KIAA1217: variants seen among roughly 807,000 people sequenced by gnomAD.
The protein encoded by KIAA1217 is KIAA1217.
A neutral mutation model predicts 163.9 loss-of-function variants in KIAA1217; 88 were observed. The observed-to-expected ratio is 0.54, with a 90% CI of 0.45 to 0.64. KIAA1217 has a LOEUF of 0.64. Among genes scored for constraint, KIAA1217 ranks in the 30% least tolerant of loss-of-function variants. The pLI, the probability that KIAA1217 is intolerant of heterozygous loss-of-function variation, is 0.00. For synonymous variants in KIAA1217, 903 were observed against 923.1 expected (o/e 0.98, Z 0.39); for missense variants, 2,372 against 2,475.0 (o/e 0.96, Z 0.88).
chr10:24,248,275 A>G (rs756423390), intron 2 of KIAA1217, among the ~76,000 whole-genome samples: 4 of 152,216 alleles, frequency 2.6e-5, no homozygotes, highest in Non-Finnish European at 5.9e-5. Context: ...TGCTTTGAAT[A>G]TGTTTAAGTT....
At chr10:23,767,036 A>G (rs1341065432) in intron 1 of KIAA1217, among the ~76,000 whole-genome samples, 1 of 152,242 alleles carries the variant, frequency 6.6e-6, no homozygotes, top group Non-Finnish European at 1.5e-5. Flanking sequence ...TAGCTGGGTT[A>G]TGCAGGAGCA....
intron 2 of KIAA1217, among the ~76,000 whole-genome samples, chr10:24,303,176 G>A (rs2041584572): frequency 1.3e-5 from 2 of 151,998 alleles, no homozygotes; most frequent in African/African-American, 4.8e-5. Context: ...ACCAAGCCCA[G>A]TTAATTTTTA....
chr10:24,406,187 T>A (rs190489576), intron 3 of KIAA1217, among the ~76,000 whole-genome samples: 1 of 152,346 alleles, frequency 6.6e-6, no homozygotes, highest in East Asian at 1.9e-4. Flanking sequence ...CAATTCACAT[T>A]CAGATTTGGT....
chr10:23,894,666 A>G (rs945396756), intron 1 of KIAA1217, among the ~76,000 whole-genome samples: 1 of 149,126 alleles, frequency 6.7e-6, no homozygotes, highest in Non-Finnish European at 1.5e-5. Context: ...GAACCAAAAA[A>G]GAGCCCGCAT....
chr10:23,944,022 A>T (rs1177965900), intron 1 of KIAA1217, among the ~76,000 whole-genome samples: 17 of 152,334 alleles, frequency 1.1e-4, no homozygotes, highest in Non-Finnish European at 2.1e-4. Context: ...GCTAAGCAAA[A>T]TTTTCTTTAA....
intron 3 of KIAA1217, among the ~76,000 whole-genome samples, chr10:24,414,125 C>G (rs896381125): frequency 5.3e-5 from 8 of 152,220 alleles, no homozygotes; most frequent in Admixed American, 3.9e-4. Flanking sequence ...GTTTCATCAA[C>G]AGTTCTCTAT....
chr10:24,250,192 A>AT (rs2074310267), intron 2 of KIAA1217, among the ~76,000 whole-genome samples: 1 of 152,182 alleles, frequency 6.6e-6, no homozygotes, highest in East Asian at 1.9e-4. Flanking sequence ...TCTTCCTGGC[A>AT]TTTTAAGAAG....
intron 1 of KIAA1217, among the ~76,000 whole-genome samples, chr10:23,867,940 G>T (rs1379541560): frequency 1.3e-5 from 2 of 152,140 alleles, no homozygotes; most frequent in Admixed American, 1.3e-4. Context: ...CCTATGTCCT[G>T]AATGGTAATG....
At chr10:24,113,481 G>C (rs531177402) in intron 2 of KIAA1217, among the ~76,000 whole-genome samples, 17 of 152,304 alleles carry the variant, frequency 1.1e-4, no homozygotes. Context: ...TCCTGCAAGA[G>C]TGTCTTTAAT....
chr10:23,940,485 G>GAAAAAAGA (rs1843722834), intron 1 of KIAA1217, among the ~76,000 whole-genome samples: 4 of 113,888 alleles, frequency 3.5e-5, no homozygotes, highest in Non-Finnish European at 7.6e-5. Context: ...AAAAAAAAAA[G>GAAAAAAGA]AAAAAAGAAA....
intron 1 of KIAA1217, among the ~76,000 whole-genome samples, chr10:23,801,822 C>G (rs764250442): frequency 6.6e-6 from 1 of 152,170 alleles, no homozygotes; most frequent in Non-Finnish European, 1.5e-5. Flanking sequence ...ATGGGTTCAG[C>G]CTGGTGTTAT....
chr10:24,143,726 G>A (rs992854272), intron 2 of KIAA1217, among the ~76,000 whole-genome samples: 3 of 151,620 alleles, frequency 2.0e-5, no homozygotes, highest in Non-Finnish European at 2.9e-5. Context: ...GGTTTTACTG[G>A]TCACCACTGA....
chr10:24,096,486 T>G (rs2062168659), intron 2 of KIAA1217, among the ~76,000 whole-genome samples: 1 of 152,186 alleles, frequency 6.6e-6, no homozygotes, highest in Non-Finnish European at 1.5e-5. Flanking sequence ...AATTGTTGCA[T>G]TCCTCTGCTT....
At chr10:24,049,807 G>T (rs573179304) in intron 2 of KIAA1217, among the ~76,000 whole-genome samples, 1 of 152,006 alleles carries the variant, frequency 6.6e-6, no homozygotes, top group African/African-American at 2.4e-5. Context: ...ATTTATAATC[G>T]TTTGGGTTTA....
chr10:24,253,940 T>C (rs905373631), intron 2 of KIAA1217, among the ~76,000 whole-genome samples: 4 of 151,706 alleles, frequency 2.6e-5, no homozygotes, highest in Non-Finnish European at 4.4e-5. Context: ...ATAATAAAAA[T>C]AAAATAAAAT....
intron 2 of KIAA1217, among the ~76,000 whole-genome samples, chr10:24,150,995 G>A (rs1018290368): frequency 6.6e-6 from 1 of 152,138 alleles, no homozygotes; most frequent in Non-Finnish European, 1.5e-5. Flanking sequence ...GGATATGCCT[G>A]AGAGTGAGAC....
At chr10:24,206,367 A>G (rs757854188), upstream of KIAA1217, among the ~76,000 whole-genome samples, 1 of 152,238 alleles carries the variant, frequency 6.6e-6, no homozygotes, top group African/African-American at 2.4e-5. Context: ...TTCCAGAAAG[A>G]AGAACATCTC....
rs557247407 is a variant in KIAA1217, at chr10:24,343,925, A to G, written c.355-36944A>G. 4.6e-5 allele frequency among the ~76,000 whole-genome samples: 7 copies of G among 152,286 alleles called. No homozygotes were observed. The South Asian group carries it at 1.2e-3, about 27-fold the overall frequency. On this transcript the variant is annotated intron_variant, in intron 2 of 20. Transcript: ENST00000376454. ...GTGTTTGGGTCTGTTTCTGAACTCT[A>G]TGTTTCATTCCATTGAGCTGTTTTT... is the stretch of plus-strand genomic sequence containing the variant.
At chr10:24,459,721 G>T (rs2062167879) in intron 5 of KIAA1217, among the ~76,000 whole-genome samples, 1 of 152,008 alleles carries the variant, frequency 6.6e-6, no homozygotes, top group Non-Finnish European at 1.5e-5. Flanking sequence ...CAAGGAGTTT[G>T]AGGCCAGCCT....
Sources: gnomAD v4.1 joint callset for allele counts (sites outside exome capture counted in the v4.1 genomes callset) on GRCh38, gnomAD v4.1.1 for gene constraint, MANE v1.5 for transcripts, NCBI Gene and HGNC (gene_info 2026-07-23, HGNC 2026-07-21) for gene names.